TARS3: variants seen among roughly 807,000 people sequenced by gnomAD.
TARS3 encodes the protein threonine--tRNA ligase 2, cytoplasmic.
Under a neutral mutation model 103.5 loss-of-function variants are expected in TARS3, and 94 were observed. The observed-to-expected ratio is 0.91, with a 90% CI of 0.77 to 1.08. The LOEUF (loss-of-function observed/expected upper bound fraction) is 1.08, where lower values mean the gene tolerates loss of function less well. TARS3 is among the 50% of genes least tolerant of loss of function. The pLI, the probability that TARS3 is intolerant of heterozygous loss-of-function variation, is 0.00. For missense variants in TARS3, 952 were observed against 995.2 expected (o/e 0.96, Z 0.58); for synonymous variants, 416 against 355.4 (o/e 1.17, Z -1.92).
chr15:101,664,035 A>G (rs539942311), intron 15 of TARS3: 1 of 152,238 alleles, frequency 6.6e-6, no homozygotes, highest in African/African-American at 2.4e-5. Context: ...CATGGTGATG[A>G]CCTTGATGCT....
intron 10 of TARS3, among the ~76,000 whole-genome samples, chr15:101,698,948 T>C (rs990553997): frequency 6.6e-6 from 1 of 152,158 alleles, no homozygotes; most frequent in Non-Finnish European, 1.5e-5. Flanking sequence ...GGTCATGACC[T>C]AGAAACAGGA....
intron 11 of TARS3, among the ~76,000 whole-genome samples, chr15:101,684,527 T>TA (rs747098438): frequency 3.3e-4 from 50 of 152,210 alleles, no homozygotes; most frequent in Non-Finnish European, 6.2e-4. Context: ...TTTCAAAGGC[T>TA]ACTTCTTAAA....
At chr15:101,680,251 G>A (rs1048838526) in intron 12 of TARS3, among the ~76,000 whole-genome samples, 3 of 152,198 alleles carry the variant, frequency 2.0e-5, no homozygotes, top group South Asian at 4.1e-4. Context: ...CATATAAAGG[G>A]CCACAGTTTT....
intron 13 of TARS3, among the ~76,000 whole-genome samples, chr15:101,673,091 T>G (rs1897877802): frequency 6.6e-6 from 1 of 152,180 alleles, no homozygotes; most frequent in Non-Finnish European, 1.5e-5. Flanking sequence ...TTCAGACACT[T>G]CTGAAGACAA....
Position 101,708,273 on chromosome 15 carries a change from A to C in TARS3, c.930+520T>G, listed in dbSNP as rs554990753. The stretch of plus-strand genomic sequence containing the variant: ...ACTCTGTCTGAAAAAAAAAAAAAAA[A>C]AAAAAAAAAAAACCCAAAAAATAAA... On this transcript the variant is annotated intron_variant, in intron 6 of 18. Coordinates refer to ENST00000335968, the MANE Select transcript of TARS3 (RefSeq NM_152334.3). Among the ~76,000 whole-genome samples, 417 of 151,018 alleles carry C rather than the reference A, an allele frequency of 2.8e-3. 4 individuals carry two copies. Among genetic ancestry groups the C allele is most frequent in the African/African-American group, 7.6e-3 (312 of 41,210 alleles).
At chr15:101,683,638 C>G (rs536994121) in intron 12 of TARS3, among the ~76,000 whole-genome samples, 15 of 152,322 alleles carry the variant, frequency 9.8e-5, no homozygotes, top group African/African-American at 3.6e-4. Flanking sequence ...GGATACAACA[C>G]TGGCACATTA....
chr15:101,715,075 A>C, intron 3 of TARS3, 112 bp from the exon 4 acceptor site: 1 of 972,064 alleles, frequency 1.0e-6, no homozygotes, highest in Non-Finnish European at 1.5e-6. Flanking sequence ...AAAAAGTACA[A>C]ACATAAACTA....
In TARS3 at chr15:101,671,672, T is replaced by G; in HGVS notation, c.1865A>C (p.Lys622Thr). The G allele has an allele frequency of 6.2e-7, 1 of 1,614,102 alleles. No homozygotes were observed. The highest frequency in any genetic ancestry group is 8.5e-7 in the Non-Finnish European group (1 of 1,179,992). The change falls in exon 14 of 19, where the codon AAA becomes ACA. Residue 622 changes from lysine to threonine, a missense_variant and splice_region_variant. Lys to Thr is a moderately conservative substitution (Grantham distance 78). Coordinates refer to ENST00000335968, the MANE Select transcript of TARS3 (RefSeq NM_152334.3). The part of the protein sequence containing the change: ...NPGDGAFYGP[K>T]IDIKIKDAIG... ...TTTTGAAGCATGTGGTCGACTCACT[T>G]TAGGGCCATAAAATGCTCCATCTCC...
Position 101,685,981 on chromosome 15 carries a change from A to G in TARS3, c.1402T>C (p.Trp468Arg), listed in dbSNP as rs1430357956. ...NSKLWEASGHWQHYSENMFTF... is the reference protein window; with the variant it reads ...NSKLWEASGHRQHYSENMFTF... ...AACATGTTCTCGCTGTAATGCTGCC[A>G]GTGGCCTGAGGCTTCCCAGAGTTTA... is the stretch of plus-strand genomic sequence containing the variant. The change falls in exon 11 of 19, where the codon TGG becomes CGG. Residue 468 changes from tryptophan (W) to arginine (R), a missense_variant. Physicochemically the swap from Trp to Arg is moderately radical, Grantham distance 101. Coordinates refer to ENST00000335968, the MANE Select transcript of TARS3 (RefSeq NM_152334.3). 6.2e-7 allele frequency: 1 copy of G among 1,613,984 alleles called. No homozygotes were observed. The highest frequency in any genetic ancestry group is 8.5e-7 in the Non-Finnish European group (1 of 1,179,954).
intron 10 of TARS3, among the ~76,000 whole-genome samples, chr15:101,690,163 C>T (rs1898652128): frequency 6.6e-6 from 1 of 152,200 alleles, no homozygotes; most frequent in South Asian, 2.1e-4. Flanking sequence ...AGGGGGTGAG[C>T]CAGGCTGGTT....
At chr15:101,677,200 C>T (rs553668479) in intron 12 of TARS3, among the ~76,000 whole-genome samples, 1 of 152,306 alleles carries the variant, frequency 6.6e-6, no homozygotes, top group East Asian at 1.9e-4. Flanking sequence ...CCTGTGAGTG[C>T]GTTTCTCGAA....
Position 101,654,399 on chromosome 15 carries a change from C to G in TARS3, c.*183G>C, listed in dbSNP as rs141355923. The G allele has an allele frequency of 3.4e-6, 2 of 589,024 alleles. No homozygotes were observed. The highest frequency in any genetic ancestry group is 3.2e-5 in the East Asian group (1 of 31,650). The allele number at this position is 589,024 out of a possible 1,614,324, so 36.5% of individuals were successfully genotyped here. A position where few individuals can be genotyped will look rare whatever the true frequency, so the allele number is the denominator to read the frequency against. On this transcript the variant is annotated 3_prime_UTR_variant, in exon 19 of 19. Coordinates refer to ENST00000335968, the MANE Select transcript of TARS3 (RefSeq NM_152334.3). Reference sequence around the variant, plus strand: ...TCCCACGTGCCCTCTAAACGTCCCCCGTGGACATGAGTAAATTAAACTTCG... The same window carrying G: ...TCCCACGTGCCCTCTAAACGTCCCCGGTGGACATGAGTAAATTAAACTTCG...
intron 15 of TARS3, among the ~76,000 whole-genome samples, chr15:101,666,589 T>C (rs1391595037): frequency 6.6e-6 from 1 of 151,786 alleles, no homozygotes; most frequent in African/African-American, 2.4e-5. Flanking sequence ...TTTTAAAATA[T>C]TAAAACTAAA....
intron 10 of TARS3, among the ~76,000 whole-genome samples, chr15:101,698,133 T>G (rs914620117): frequency 1.3e-5 from 2 of 151,918 alleles, no homozygotes; most frequent in African/African-American, 4.8e-5. Flanking sequence ...TCAGGAGATC[T>G]AGACCATCCT....
chr15:101,678,449 T>C (rs1898119839), intron 12 of TARS3, among the ~76,000 whole-genome samples: 1 of 152,228 alleles, frequency 6.6e-6, no homozygotes, highest in Admixed American at 6.5e-5. Flanking sequence ...TTAACATTTT[T>C]CTGGAATTCA....
intron 6 of TARS3, among the ~76,000 whole-genome samples, chr15:101,707,646 A>C (rs940692683): frequency 5.3e-5 from 8 of 151,882 alleles, no homozygotes; most frequent in Admixed American, 5.2e-4. Context: ...GCCTGGAGGA[A>C]CCAAATTCAG....
intron 3 of TARS3, among the ~76,000 whole-genome samples, chr15:101,716,669 T>G (rs1900173636): frequency 6.6e-6 from 1 of 152,130 alleles, no homozygotes; most frequent in Non-Finnish European, 1.5e-5. Flanking sequence ...TGAACATATA[T>G]CTTACTCAAT....
rs532665366 is a variant in TARS3 at position 101,662,393 on chromosome 15, T to C, written c.1968-577A>G. On this transcript the variant is annotated intron_variant, in intron 15 of 18. Coordinates refer to ENST00000335968, the MANE Select transcript of TARS3 (RefSeq NM_152334.3). Reference sequence around the variant, plus strand: ...TCACATTATTGCAACAAATGTGACATGCGACACTTACAAAGTTCTTTTGAT... The same window carrying C: ...TCACATTATTGCAACAAATGTGACACGCGACACTTACAAAGTTCTTTTGAT... 5.1e-4 allele frequency among the ~76,000 whole-genome samples: 78 copies of C among 152,332 alleles called. 2 individuals carry two copies. In the South Asian group the frequency reaches 0.016, roughly 30 times the overall value.
intron 3 of TARS3, among the ~76,000 whole-genome samples, chr15:101,716,980 C>T (rs11633865): frequency 0.32 from 48,564 of 151,624 alleles, 9,591 homozygotes; most frequent in Non-Finnish European, 0.45. Flanking sequence ...ACTCAACCTC[C>T]CAAGTAGCTG....
Sources: allele counts gnomAD v4.1 joint callset (sites outside exome capture counted in the v4.1 genomes callset), GRCh38; gene constraint gnomAD v4.1.1; transcripts MANE v1.5; gene names NCBI Gene and HGNC (gene_info 2026-07-23, HGNC 2026-07-21).